AHCYL2: variants seen among roughly 807,000 people sequenced by gnomAD.
AHCYL2 encodes the protein adenosylhomocysteinase like 2, also known as S-adenosylhomocysteine hydrolase-like protein 2.
Under a neutral mutation model 81.4 loss-of-function variants are expected in AHCYL2, and 28 were observed. That is an observed-to-expected ratio of 0.34 (90% CI 0.25 to 0.47). The LOEUF (loss-of-function observed/expected upper bound fraction) is 0.47, where lower values mean the gene tolerates loss of function less well. Among genes scored for constraint, AHCYL2 ranks in the 20% least tolerant of loss-of-function variants. AHCYL2 has a pLI of 1.00. For missense variants in AHCYL2, 551 were observed against 785.1 expected, an observed-to-expected ratio of 0.70 and a Z score of 3.56; for synonymous variants, 272 against 290.2, an observed-to-expected ratio of 0.94 and a Z score of 0.64.
At chr7:129,402,362 T>C (rs1255771329) in intron 6 of AHCYL2, among the ~76,000 whole-genome samples, 1 of 152,116 alleles carries the variant, frequency 6.6e-6, no homozygotes, top group Non-Finnish European at 1.5e-5. Flanking sequence ...GTGGTAGACA[T>C]GAGGTTGGGG....
intron 1 of AHCYL2, among the ~76,000 whole-genome samples, chr7:129,263,115 ATTAAG>A (rs1288484882): frequency 6.6e-6 from 1 of 152,192 alleles, no homozygotes; most frequent in Non-Finnish European, 1.5e-5. Context: ...ATACTATATA[ATTAAG>A]TTTAGTCTGT....
intron 4 of AHCYL2, among the ~76,000 whole-genome samples, chr7:129,396,049 G>C (rs923315690): frequency 6.6e-6 from 1 of 152,120 alleles, no homozygotes; most frequent in African/African-American, 2.4e-5. Flanking sequence ...CTCAAGAAAA[G>C]TTTGGCTTTG....
At chr7:129,323,494 A>G (rs1798111135) in intron 1 of AHCYL2, among the ~76,000 whole-genome samples, 1 of 152,110 alleles carries the variant, frequency 6.6e-6, no homozygotes, top group East Asian at 1.9e-4. Flanking sequence ...ATATTGTTAA[A>G]TGTTCTGTGT....
intron 1 of AHCYL2, chr7:129,375,859 G>A (rs1794658948): frequency 9.8e-6 from 15 of 1,535,852 alleles, no homozygotes; most frequent in Non-Finnish European, 1.2e-5. Context: ...AGTGGGGCTG[G>A]TAATGTCACT....
At chr7:129,241,397 C>T (rs1794847609) in intron 1 of AHCYL2, among the ~76,000 whole-genome samples, 1 of 151,988 alleles carries the variant, frequency 6.6e-6, no homozygotes, top group Non-Finnish European at 1.5e-5. Flanking sequence ...TCGAGACCAG[C>T]CTGGCCAACA....
chr7:129,291,508 C>T lies in AHCYL2; in HGVS notation c.363+66069C>T, dbSNP rs1032278737. The stretch of plus-strand genomic sequence containing the variant: ...TTAAATTACTTTCAGTGACTTTACC[C>T]GAGACCTTTTTTTTTTTTTTTTGCA... On this transcript the variant is annotated intron_variant, in intron 1 of 16. Transcript: ENST00000325006. Among the ~76,000 whole-genome samples the T allele has an allele frequency of 4.1e-5, 6 of 145,804 alleles. No homozygotes were observed. The South Asian group carries it at 6.4e-4, about 16-fold the overall frequency.
chr7:129,324,753 G>A (rs954344151), intron 1 of AHCYL2, among the ~76,000 whole-genome samples: 3 of 151,948 alleles, frequency 2.0e-5, no homozygotes, highest in Admixed American at 1.3e-4. Flanking sequence ...CTGACCTCGT[G>A]ATCCACCTGC....
rs1797030007 is a variant in AHCYL2 at position 129,419,809 on chromosome 7, G to C, written c.1462-3031G>C. On this transcript the variant is annotated intron_variant, in intron 12 of 16. Coordinates refer to ENST00000325006, the MANE Select transcript of AHCYL2 (RefSeq NM_015328.4). The surrounding 1 kb of genome is among the most constrained non-coding windows in gnomAD (Gnocchi z 4.7). ...AGACCAATTTGTGCAAGCATAATGAGTGGCCAGTTTATGGTGGGATGTACA... is the reference window on the plus strand; with the variant it reads ...AGACCAATTTGTGCAAGCATAATGACTGGCCAGTTTATGGTGGGATGTACA... Among the ~76,000 whole-genome samples, 1 of 152,066 alleles carries C rather than the reference G, an allele frequency of 6.6e-6. No homozygotes were observed. Among genetic ancestry groups the C allele is most frequent in the South Asian group, 2.1e-4 (1 of 4,826 alleles).
At chr7:129,237,869 C>T (rs1006931093) in intron 1 of AHCYL2, among the ~76,000 whole-genome samples, 2 of 152,052 alleles carry the variant, frequency 1.3e-5, no homozygotes, top group African/African-American at 4.8e-5. Flanking sequence ...AGGTGCCCAC[C>T]ACTGCACCCA....
chr7:129,297,430 G>A (rs1479203245), intron 1 of AHCYL2, among the ~76,000 whole-genome samples: 1 of 152,142 alleles, frequency 6.6e-6, no homozygotes, highest in Non-Finnish European at 1.5e-5. Flanking sequence ...GAAAACTAGC[G>A]AACAGCTCCA....
intron 1 of AHCYL2, among the ~76,000 whole-genome samples, chr7:129,245,546 A>G (rs911421288): frequency 6.6e-6 from 1 of 150,982 alleles, no homozygotes; most frequent in African/African-American, 2.4e-5. Context: ...TCACCATTCT[A>G]TTTTGTCTTT....
In AHCYL2 at chr7:129,309,797, AT is replaced by A. The variant is rs376522593; in HGVS notation, c.364-69830del. On this transcript the variant is annotated intron_variant, in intron 1 of 16. Coordinates refer to ENST00000325006, the MANE Select transcript of AHCYL2 (RefSeq NM_015328.4). Reference sequence around the variant, plus strand: ...ATTTGAGTTCTCTTTACCAGTCACCATTTTTTTTTTTAATTTTACGTTGGTT... The same window carrying A: ...ATTTGAGTTCTCTTTACCAGTCACCATTTTTTTTTTAATTTTACGTTGGTT... 4.2e-3 allele frequency among the ~76,000 whole-genome samples: 611 copies of A among 144,138 alleles called. 4 individuals are homozygous for A. Among genetic ancestry groups the A allele is most frequent in the African/African-American group, 0.013 (518 of 39,378 alleles). 94.6% of individuals were successfully genotyped at this position (144,138 alleles called of 152,430 possible).
chr7:129,368,540 C>T lies in AHCYL2; in HGVS notation c.364-11098C>T. On this transcript the variant is annotated intron_variant, in intron 1 of 16. Transcript: ENST00000325006. This position sits in a 1 kb window ranked among gnomAD's most constrained non-coding sequence, Gnocchi z 4.4. ...TGAGGGCACCTCAGCTTTTCACATG[C>T]CTGAGTGGATGGTGAGTTCACTGGT... 6.2e-7 allele frequency: 1 copy of T among 1,613,990 alleles called. No individual in the cohort carries two copies. The highest frequency in any genetic ancestry group is 8.5e-7 in the Non-Finnish European group (1 of 1,179,886).
chr7:129,361,350 A>C (rs1274299635), intron 1 of AHCYL2, among the ~76,000 whole-genome samples: 1 of 152,096 alleles, frequency 6.6e-6, no homozygotes, highest in African/African-American at 2.4e-5. Context: ...GCCCCAATAC[A>C]CATAATTGGT....
intron 1 of AHCYL2, chr7:129,351,639 CCT>C (rs1205115228): frequency 6.6e-6 from 1 of 152,156 alleles, no homozygotes; most frequent in African/African-American, 2.4e-5. Context: ...GAAGAGAAGA[CCT>C]TCTGAGGCAC....
intron 1 of AHCYL2, among the ~76,000 whole-genome samples, chr7:129,245,999 C>A (rs564340055): frequency 6.6e-6 from 1 of 151,892 alleles, no homozygotes; most frequent in Non-Finnish European, 1.5e-5. Context: ...TTTTATACAT[C>A]GACAACACTT....
In AHCYL2 at chr7:129,422,861, C is replaced by G; in HGVS notation, c.1483C>G (p.Leu495Val). The G allele has an allele frequency of 6.2e-7, 1 of 1,614,118 alleles. No individual in the cohort carries two copies. The highest frequency in any genetic ancestry group is 8.5e-7 in the Non-Finnish European group (1 of 1,179,990). ...CCAGGCGAGTCTGCGGACACCAGAA[C>G]TGACCTGGGAGCGAGTGAGATCTCA... ...IDVASLRTPE[L>V]TWERVRSQVD... is the part of the protein sequence containing the mutation. The change falls in exon 13 of 17, where the codon CTG (leucine) becomes GTG (valine). Residue 495 changes from leucine (L) to valine (V), a missense_variant. By Grantham distance (32) the Leu-to-Val change is conservative (BLOSUM62 1). Around this residue, in one of 2 missense-constraint regions of AHCYL2, gnomAD observed 316 missense variants for 543.1 expected, o/e 0.58. Transcript: ENST00000325006.
chr7:129,319,694 T>C (rs1037934723), intron 1 of AHCYL2, among the ~76,000 whole-genome samples: 17 of 152,230 alleles, frequency 1.1e-4, no homozygotes, highest in African/African-American at 3.9e-4. Flanking sequence ...TGAACTCTTA[T>C]CTGGCTTCCT....
At chr7:129,300,628 A>G (rs751936101) in intron 1 of AHCYL2, among the ~76,000 whole-genome samples, 2 of 152,214 alleles carry the variant, frequency 1.3e-5, no homozygotes, top group Non-Finnish European at 2.9e-5. Flanking sequence ...TATCTCTTCA[A>G]TATACTGACT....
Sources: allele counts gnomAD v4.1 joint callset (sites outside exome capture counted in the v4.1 genomes callset), GRCh38; gene constraint gnomAD v4.1.1; regional missense constraint gnomAD v4.1.1; non-coding constraint Gnocchi (gnomAD v3.1); transcripts MANE v1.5; gene names NCBI Gene and HGNC (gene_info 2026-07-23, HGNC 2026-07-21).